SLC25A41: variants seen among roughly 807,000 people sequenced by gnomAD.
The protein encoded by SLC25A41 is solute carrier family 25 member 41.
SLC25A41 carries 35 observed loss-of-function variants against 34.7 expected under a neutral mutation model. The observed-to-expected ratio is 1.01, with a 90% CI of 0.77 to 1.34. The LOEUF (loss-of-function observed/expected upper bound fraction) is 1.34, where lower values mean the gene tolerates loss of function less well. Among genes scored for constraint, SLC25A41 ranks in the 40% most tolerant of loss-of-function variants. The pLI, the probability that SLC25A41 is intolerant of heterozygous loss-of-function variation, is 0.00. For synonymous variants in SLC25A41, 190 were observed against 209.9 expected, an observed-to-expected ratio of 0.91 and a Z score of 0.82; for missense variants, 492 against 489.8, an observed-to-expected ratio of 1.00 and a Z score of -0.04.
upstream of SLC25A41, among the ~76,000 whole-genome samples, chr19:6,435,055 C>T (rs2092302530): frequency 6.6e-6 from 1 of 151,080 alleles, no homozygotes; most frequent in South Asian, 2.1e-4. Flanking sequence ...AGACCCCTGT[C>T]TCTATAAAAA....
At chr19:6,434,460 G>A (rs934243539), upstream of SLC25A41, among the ~76,000 whole-genome samples, 7 of 152,164 alleles carry the variant, frequency 4.6e-5, no homozygotes, top group Non-Finnish European at 1.0e-4. Context: ...CCCTCAGCAG[G>A]AACTGAGCTA....
At position 6,426,194 on chromosome 19, in the gene SLC25A41, G is replaced by A; in HGVS notation, c.*195C>T. The stretch of plus-strand genomic sequence containing the variant: ...CCCAGGAGTTTTCTGACCCAGCACT[G>A]CCCCCCTCCACCCACCACCAACCCC... On this transcript the variant is annotated 3_prime_UTR_variant, in exon 7 of 7. Coordinates refer to ENST00000321510, the MANE Select transcript of SLC25A41 (RefSeq NM_173637.4). The A allele has an allele frequency of 3.4e-6, 2 of 587,072 alleles. No homozygotes were observed. Among genetic ancestry groups the A allele is most frequent in the Non-Finnish European group, 5.9e-6 (2 of 340,722 alleles). 36.4% of individuals were successfully genotyped at this position (587,072 alleles called of 1,614,324 possible).
chr19:6,429,760 A>C lies in SLC25A41; in HGVS notation c.588T>G (p.Ala196=), dbSNP rs763259349. 1.2e-5 allele frequency: 19 copies of C among 1,608,484 alleles called. No homozygotes were observed. Among genetic ancestry groups the C allele is most frequent in the Non-Finnish European group, 1.5e-5 (18 of 1,177,958 alleles). Residue 196 remains alanine, a synonymous_variant, in exon 4 of 7, where the codon GCT becomes GCG. Transcript: ENST00000321510. The part of the protein sequence containing the change: ...FQERLLAGSL[A]VAISQTLINP... ...TGATGAGGGTCTGGGAGATGGCCAC[A>C]GCCAGGGAGCCAGCAAGGAGACGCT...
At chr19:6,429,681 T>G in intron 4 of SLC25A41, 43 bp downstream of exon 4, 2 of 1,459,724 alleles carry the variant, frequency 1.4e-6, no homozygotes, top group Non-Finnish European at 1.9e-6. Flanking sequence ...GGGTAACTAG[T>G]TTCCACGGCG....
chr19:6,430,369 C>T (rs2092280171), intron 2 of SLC25A41, among the ~76,000 whole-genome samples: 1 of 152,006 alleles, frequency 6.6e-6, no homozygotes, highest in Non-Finnish European at 1.5e-5. Context: ...CCTACATTCC[C>T]ACCTCACCCC....
In SLC25A41 at chr19:6,433,604, C is replaced by CGGG; in HGVS notation, c.87_89dup (p.Pro33dup). On this transcript the variant is annotated inframe_insertion, in exon 1 of 7. Transcript: ENST00000321510. ...GTGGAGGCGGAGGTTGGGGGGGAGG[C>CGGG]GGGGCTTTGATGAGTAAGGTCTTGA... The CGGG allele has an allele frequency of 7.5e-7, 1 of 1,326,782 alleles. No individual in the cohort carries two copies. Among genetic ancestry groups the CGGG allele is most frequent in the Non-Finnish European group, 1.1e-6 (1 of 939,102 alleles). 82.2% of individuals were successfully genotyped at this position (1,326,782 alleles called of 1,614,324 possible).
chr19:6,429,119 T>TA lies in SLC25A41; in HGVS notation c.624+604_624+605insT, dbSNP rs1232047643. On this transcript the variant is annotated intron_variant, in intron 4 of 6. Coordinates refer to ENST00000321510, the MANE Select transcript of SLC25A41 (RefSeq NM_173637.4). The stretch of plus-strand genomic sequence containing the variant: ...GTTACATATATATATAATATATATA[T>TA]TATATATATGTTATATATATATATA... Among the ~76,000 whole-genome samples, 2 of 55,032 alleles carry TA rather than the reference T, an allele frequency of 3.6e-5. 1 individual carries two copies. The highest frequency in any genetic ancestry group is 2.1e-4 in the African/African-American group (2 of 9,364). The allele number at this position is 55,032 out of a possible 152,430, so 36.1% of individuals were successfully genotyped here.
In SLC25A41 at chr19:6,430,022, G is replaced by T. The variant is rs753952076; in HGVS notation, c.503C>A (p.Ser168Tyr). The T allele has an allele frequency of 6.2e-7, 1 of 1,612,474 alleles. No individual in the cohort carries two copies. Among genetic ancestry groups the T allele is most frequent in the South Asian group, 1.1e-5 (1 of 90,836 alleles). ...CTCATTCCCCACCTGCTCGAATACG[G>T]AGAACTTGATGGCATACTCAGGAGC... ...KIAPEYAIKF[S>Y]VFEQCKNYFC... Residue 168 changes from serine (S) to tyrosine (Y), a missense_variant, in exon 3 of 7, where the codon TCC (serine) becomes TAC (tyrosine). Coordinates refer to ENST00000321510, the MANE Select transcript of SLC25A41 (RefSeq NM_173637.4).
intron 1 of SLC25A41, among the ~76,000 whole-genome samples, chr19:6,432,961 C>G (rs953875331): frequency 6.6e-6 from 1 of 151,816 alleles, no homozygotes; most frequent in African/African-American, 2.4e-5. Flanking sequence ...AGCCACCACA[C>G]CCAGCCAATG....
At chr19:6,432,549 T>C (rs1373488410) in intron 1 of SLC25A41, among the ~76,000 whole-genome samples, 3 of 145,802 alleles carry the variant, frequency 2.1e-5, no homozygotes, top group East Asian at 4.1e-4. Context: ...CTCTAACTCC[T>C]GACCTCAAGT....
At chr19:6,434,021 G>A (rs928430048), upstream of SLC25A41, among the ~76,000 whole-genome samples, 2 of 152,188 alleles carry the variant, frequency 1.3e-5, no homozygotes, top group Non-Finnish European at 2.9e-5. Flanking sequence ...TTGGCTCACT[G>A]CAAGCTCCGC....
chr19:6,429,108 T>A (rs368119071), intron 4 of SLC25A41, among the ~76,000 whole-genome samples: 1 of 40,060 alleles, frequency 2.5e-5, no homozygotes, highest in African/African-American at 9.8e-5. Flanking sequence ...CATATATATA[T>A]AATATATATA....
At chr19:6,435,660 C>G (rs891163023), upstream of SLC25A41, among the ~76,000 whole-genome samples, 2 of 151,678 alleles carry the variant, frequency 1.3e-5, no homozygotes, top group Admixed American at 1.3e-4. Context: ...AGTTCAAGAC[C>G]AGCCTGGGCA....
intron 2 of SLC25A41, 63 bp downstream of exon 2, chr19:6,431,986 C>A: frequency 6.4e-7 from 1 of 1,557,730 alleles, no homozygotes; most frequent in Non-Finnish European, 8.7e-7. Context: ...CATCTGTCCT[C>A]ACCCCACGTT....
At chr19:6,434,612 C>T (rs1250277966), upstream of SLC25A41, among the ~76,000 whole-genome samples, 1 of 152,002 alleles carries the variant, frequency 6.6e-6, no homozygotes, top group Non-Finnish European at 1.5e-5. Context: ...TTTGCAGATA[C>T]AAATAAGGTT....
Position 6,426,286 on chromosome 19 carries a change from G to T in SLC25A41, c.*103C>A. On this transcript the variant is annotated 3_prime_UTR_variant, in exon 7 of 7. Coordinates refer to ENST00000321510, the MANE Select transcript of SLC25A41 (RefSeq NM_173637.4). ...CAGCCTGCTTTTGCCACCAAAAACT[G>T]CCCCAGGGCCTGAACCTTGAGGCCT... 19 of 693,860 alleles carry T rather than the reference G, an allele frequency of 2.7e-5. No homozygotes were observed. The highest frequency in any genetic ancestry group is 3.7e-5 in the South Asian group (1 of 27,384). 43.0% of individuals were successfully genotyped at this position (693,860 alleles called of 1,614,324 possible). A position where few individuals can be genotyped will look rare whatever the true frequency, so the allele number is the denominator to read the frequency against.
At position 6,429,460 on chromosome 19, in the gene SLC25A41, G is replaced by GGGA. The variant is rs759522235; in HGVS notation, c.624+261_624+263dup. Among the ~76,000 whole-genome samples, 461 of 102,664 alleles carry GGGA rather than the reference G, an allele frequency of 4.5e-3. 3 individuals are homozygous for GGGA. Among genetic ancestry groups the GGGA allele is most frequent in the South Asian group, 0.012 (35 of 2,872 alleles). 67.4% of individuals were successfully genotyped at this position (102,664 alleles called of 152,430 possible). Reference sequence around the variant, plus strand: ...GAGGGAAGGAGGAGGAAGAAAGGAGGGGAGGAGGAGAGGAAAGAGGAGGGG... The same window carrying GGGA: ...GAGGGAAGGAGGAGGAAGAAAGGAGGGGAGGAGGAGGAGAGGAAAGAGGAGGGG... On this transcript the variant is annotated intron_variant, in intron 4 of 6. Coordinates refer to ENST00000321510, the MANE Select transcript of SLC25A41 (RefSeq NM_173637.4).
Position 6,432,164 on chromosome 19 carries a change from A to C in SLC25A41, c.248T>G (p.Val83Gly). ...TGEQLMVPVEVLEVDNKEALW... is the reference protein window; with the variant it reads ...TGEQLMVPVEGLEVDNKEALW... ...GGCCTCCTTGTTATCCACTTCCAGG[A>C]CTTCCACGGGGACCATCAGCTGCTC... Residue 83 changes from valine (V) to glycine (G), a missense_variant, in exon 2 of 7, where the codon GTC (valine) becomes GGC (glycine). Physicochemically the swap from Val to Gly is moderately radical, Grantham distance 109. Coordinates refer to ENST00000321510, the MANE Select transcript of SLC25A41 (RefSeq NM_173637.4). 6.2e-7 allele frequency: 1 copy of C among 1,613,832 alleles called. No individual in the cohort carries two copies. Among genetic ancestry groups the C allele is most frequent in the Non-Finnish European group, 8.5e-7 (1 of 1,179,846 alleles).
Position 6,427,331 on chromosome 19 carries a change from T to C in SLC25A41, c.792+3A>G. Reference sequence around the variant, plus strand: ...CCTGCCACCCCCTCTGCAGGACCCATACCTCATAGACAGCCAGGTCGGTGC... The same window carrying C: ...CCTGCCACCCCCTCTGCAGGACCCACACCTCATAGACAGCCAGGTCGGTGC... On this transcript the variant is annotated splice_donor_region_variant and intron_variant, in intron 5 of 6. Transcript: ENST00000321510. The surrounding 1 kb of genome is among the most constrained non-coding windows in gnomAD (Gnocchi z 4.9). 6.2e-7 allele frequency: 1 copy of C among 1,606,238 alleles called. No individual in the cohort carries two copies.
Sources: gnomAD v4.1 joint callset for allele counts (sites outside exome capture counted in the v4.1 genomes callset) on GRCh38, gnomAD v4.1.1 for gene constraint, Gnocchi (gnomAD v3.1) non-coding constraint, MANE v1.5 for transcripts, NCBI Gene and HGNC (gene_info 2026-07-23, HGNC 2026-07-21) for gene names.